NRG2: variants seen among roughly 807,000 people sequenced by gnomAD.
NRG2 encodes pro-neuregulin-2, membrane-bound isoform.
Under a neutral mutation model 73.9 loss-of-function variants are expected in NRG2, and 27 were observed. The ratio of observed to expected loss-of-function variants is 0.37; its 90% CI spans 0.27 to 0.50. NRG2 has a LOEUF of 0.50. Ranked by LOEUF, NRG2 falls within the 20% of genes least tolerant of loss-of-function variation. The pLI is 0.96. For missense variants in NRG2, 1,126 were observed against 1,210.1 expected (o/e 0.93, Z 1.03); for synonymous variants, 532 against 541.0 (o/e 0.98, Z 0.23).
At chr5:139,903,595 G>A (rs72796708) in intron 1 of NRG2, among the ~76,000 whole-genome samples, 24 of 152,344 alleles carry the variant, frequency 1.6e-4, no homozygotes, top group Non-Finnish European at 3.1e-4. Flanking sequence ...AACCGCCCAG[G>A]GAGGGCACGA....
At chr5:139,962,159 C>T (rs1386812092) in intron 1 of NRG2, among the ~76,000 whole-genome samples, 1 of 152,188 alleles carries the variant, frequency 6.6e-6, no homozygotes, top group Non-Finnish European at 1.5e-5. Flanking sequence ...TTCCCTCAAG[C>T]TCCCCCTGCT....
intron 1 of NRG2, among the ~76,000 whole-genome samples, chr5:140,037,692 G>A (rs189356238): frequency 4.6e-5 from 7 of 151,998 alleles, no homozygotes; most frequent in African/African-American, 7.2e-5. Context: ...GGTGGATCAC[G>A]AGGTCAGGAG....
chr5:139,985,543 T>C (rs1338852838), intron 1 of NRG2, among the ~76,000 whole-genome samples: 3 of 152,102 alleles, frequency 2.0e-5, no homozygotes, highest in African/African-American at 7.2e-5. Flanking sequence ...AGGCAGTGAT[T>C]CAGAACCGTT....
chr5:139,848,482 C>G lies in NRG2; in HGVS notation c.1988G>C (p.Gly663Ala), dbSNP rs753814626. ...CTGCATGTCTGCGCCGGGCCCGGGC[C>G]CGGGCCCGGGTCCGGGTCCCGGGCC... ...PPGPGPGPGPGPGPGADMQRS... is the reference protein window; with the variant it reads ...PPGPGPGPGPAPGPGADMQRS... The change falls in exon 10 of 10, where the codon GGG becomes GCG. Residue 663 changes from glycine to alanine, a missense_variant. Physicochemically the swap from Gly to Ala is moderately conservative, Grantham distance 60. Around this residue, in one of 3 missense-constraint regions of NRG2, gnomAD observed 402 missense variants for 357.8 expected, o/e 1.12. Transcript: ENST00000361474. The G allele has an allele frequency of 2.2e-6, 3 of 1,340,442 alleles. No individual in the cohort carries two copies. The highest frequency in any genetic ancestry group is 3.1e-5 in the East Asian group (1 of 32,096). The allele number at this position is 1,340,442 out of a possible 1,614,324, so 83.0% of individuals were successfully genotyped here. A position where few individuals can be genotyped will look rare whatever the true frequency, so the allele number is the denominator to read the frequency against.
chr5:139,848,462 T>C lies in NRG2; in HGVS notation c.2008A>G (p.Met670Val), dbSNP rs1283316822. 1 of 1,333,112 alleles carries C rather than the reference T, an allele frequency of 7.5e-7. No individual in the cohort carries two copies. Among genetic ancestry groups the C allele is most frequent in the East Asian group, 3.2e-5 (1 of 31,396 alleles). 82.6% of individuals were successfully genotyped at this position (1,333,112 alleles called of 1,614,324 possible). A position where few individuals can be genotyped will look rare whatever the true frequency, so the allele number is the denominator to read the frequency against. The change falls in exon 10 of 10, where the codon ATG becomes GTG. Residue 670 changes from methionine (M) to valine (V), a missense_variant. By Grantham distance (21) the Met-to-Val change is conservative. Coordinates refer to ENST00000361474, the MANE Select transcript of NRG2 (RefSeq NM_004883.3). ...TAGTAGCTGTCATAGCTGCGCTGCATGTCTGCGCCGGGCCCGGGCCCGGGC... is the reference window on the plus strand; with the variant it reads ...TAGTAGCTGTCATAGCTGCGCTGCACGTCTGCGCCGGGCCCGGGCCCGGGC... The part of the protein sequence containing the change: ...PGPGPGPGAD[M>V]QRSYDSYYYP...
At chr5:139,996,923 T>C (rs1758059443) in intron 1 of NRG2, among the ~76,000 whole-genome samples, 1 of 152,154 alleles carries the variant, frequency 6.6e-6, no homozygotes, top group African/African-American at 2.4e-5. Flanking sequence ...GGCAGATTGC[T>C]TGAGTCCAGG....
intron 6 of NRG2, among the ~76,000 whole-genome samples, chr5:139,854,429 G>T (rs1761687084): frequency 6.6e-6 from 1 of 152,282 alleles, no homozygotes; most frequent in African/African-American, 2.4e-5. Flanking sequence ...CCGGCCGTAT[G>T]CCTGAGGCAG....
At chr5:140,039,356 C>T (rs747127927) in intron 1 of NRG2, among the ~76,000 whole-genome samples, 2 of 152,138 alleles carry the variant, frequency 1.3e-5, no homozygotes, top group Admixed American at 6.5e-5. Context: ...TCTTTTTCCT[C>T]GCCTTTCCAC....
chr5:139,935,958 T>TAA (rs554574182), intron 1 of NRG2, among the ~76,000 whole-genome samples: 2,494 of 122,200 alleles, frequency 0.02, 87 homozygotes, highest in African/African-American at 0.07. Flanking sequence ...GACTCTGTCT[T>TAA]AAAAAAAAAA....
intron 5 of NRG2, among the ~76,000 whole-genome samples, chr5:139,864,713 A>G (rs933236336): frequency 7.2e-5 from 11 of 151,954 alleles, no homozygotes; most frequent in African/African-American, 2.7e-4. Context: ...CCAGACTGGA[A>G]AATGGGCTTT....
At chr5:139,978,399 T>C (rs908735870) in intron 1 of NRG2, among the ~76,000 whole-genome samples, 1 of 152,160 alleles carries the variant, frequency 6.6e-6, no homozygotes, top group Non-Finnish European at 1.5e-5. Flanking sequence ...AATGAGATAC[T>C]ATTTCACACC....
chr5:139,943,173 G>A (rs893753736), intron 1 of NRG2, among the ~76,000 whole-genome samples: 2 of 151,918 alleles, frequency 1.3e-5, no homozygotes, highest in South Asian at 4.1e-4. Context: ...TTGAGACGGA[G>A]TCTTGCTCTG....
At chr5:139,900,735 C>G (rs1421976211) in intron 1 of NRG2, among the ~76,000 whole-genome samples, 1 of 152,234 alleles carries the variant, frequency 6.6e-6, no homozygotes, top group Non-Finnish European at 1.5e-5. Flanking sequence ...AACCCCGAGG[C>G]CAGGGCTAGG....
At position 139,904,029 on chromosome 5, in the gene NRG2, GC is replaced by G. The variant is rs1765055160; in HGVS notation, c.701-16519del. 6.6e-6 allele frequency among the ~76,000 whole-genome samples: 1 copy of G among 152,174 alleles called. No homozygotes were observed. The highest frequency in any genetic ancestry group is 6.5e-5 in the Admixed American group (1 of 15,290). On this transcript the variant is annotated intron_variant, in intron 1 of 9. Coordinates refer to ENST00000361474, the MANE Select transcript of NRG2 (RefSeq NM_004883.3). The surrounding 1 kb of genome is among the most constrained non-coding windows in gnomAD (Gnocchi z 6.0). ...CTCGCTCAGGGCTGCTCGCCTGCAG[GC>G]CGGTACCGGCGTGCAGCGCCTCTTG...
chr5:139,859,862 G>A lies in NRG2; in HGVS notation c.1190-4084C>T, dbSNP rs1279319380. 16 of 1,609,846 alleles carry A rather than the reference G, an allele frequency of 9.9e-6. No individual in the cohort carries two copies. The Admixed American group carries it at 2.3e-4, about 24-fold the overall frequency. The stretch of plus-strand genomic sequence containing the variant: ...TGTGGAGAGGGGCCACGCAGATGGT[G>A]CTGAGTGACACACAGAGGTTTCATA... On this transcript the variant is annotated intron_variant, in intron 5 of 9. Transcript: ENST00000361474.
chr5:139,989,491 C>A (rs970295632), intron 1 of NRG2, among the ~76,000 whole-genome samples: 2 of 152,042 alleles, frequency 1.3e-5, no homozygotes, highest in African/African-American at 4.8e-5. Context: ...AACCTGAATC[C>A]TCACTCCCTT....
intron 1 of NRG2, among the ~76,000 whole-genome samples, chr5:139,922,197 A>G (rs1383452278): frequency 1.3e-5 from 2 of 152,210 alleles, no homozygotes; most frequent in Non-Finnish European, 2.9e-5. Context: ...TTTATCCAAA[A>G]CATACACACC....
At chr5:140,003,279 C>A (rs974931098) in intron 1 of NRG2, among the ~76,000 whole-genome samples, 3 of 152,112 alleles carry the variant, frequency 2.0e-5, no homozygotes, top group Non-Finnish European at 4.4e-5. Flanking sequence ...GAACAGTGCC[C>A]CCCTCCCCCA....
At chr5:139,871,929 T>C in intron 3 of NRG2, 88 bp from the exon 4 acceptor site, 1 of 1,529,196 alleles carries the variant, frequency 6.5e-7, no homozygotes, top group South Asian at 1.3e-5. Flanking sequence ...ACGTCAAAAC[T>C]GGAAGATGAC....
Sources: allele counts gnomAD v4.1 joint callset (sites outside exome capture counted in the v4.1 genomes callset), GRCh38; gene constraint gnomAD v4.1.1; regional missense constraint gnomAD v4.1.1; non-coding constraint Gnocchi (gnomAD v3.1); transcripts MANE v1.5; gene names NCBI Gene and HGNC (gene_info 2026-07-23, HGNC 2026-07-21).